The following ACSM5 variants were observed in gnomAD, a reference collection of about 807,000 sequenced individuals.
The protein encoded by ACSM5 is acyl-CoA synthetase medium chain family member 5, also known as acyl-coenzyme A synthetase ACSM5, mitochondrial.
A neutral mutation model predicts 71.6 loss-of-function variants in ACSM5; 56 were observed. The ratio of observed to expected loss-of-function variants is 0.78; its 90% CI spans 0.63 to 0.98. The LOEUF (loss-of-function observed/expected upper bound fraction) is 0.98, where lower values mean the gene tolerates loss of function less well. Among genes scored for constraint, ACSM5 ranks in the 50% least tolerant of loss-of-function variants. The pLI, the probability that ACSM5 is intolerant of heterozygous loss-of-function variation, is 0.00. For missense variants in ACSM5, 723 were observed against 726.0 expected, an observed-to-expected ratio of 1.00 and a Z score of 0.05; for synonymous variants, 285 against 281.5, an observed-to-expected ratio of 1.01 and a Z score of -0.12.
chr16:20,425,924 C>A (rs749240670), intron 6 of ACSM5, among the ~76,000 whole-genome samples: 3 of 152,114 alleles, frequency 2.0e-5, no homozygotes, highest in Non-Finnish European at 2.9e-5. Context: ...CATATGACTT[C>A]TTTTCTTCTG....
chr16:20,430,917 G>A (rs1967082725), intron 8 of ACSM5, 76 bp from the exon 9 acceptor site: 1 of 1,033,982 alleles, frequency 9.7e-7, no homozygotes. Context: ...TTATCAGGCA[G>A]GGTGAGAGAA....
At chr16:20,419,532 G>T (rs113769422) in intron 4 of ACSM5, 97 bp downstream of exon 4, 1 of 1,225,642 alleles carries the variant, frequency 8.2e-7, no homozygotes, top group Non-Finnish European at 1.2e-6. Flanking sequence ...CATAGAGAGC[G>T]AATCAGAGAG....
In ACSM5 at chr16:20,437,108, C is replaced by T. The variant is rs148610822; in HGVS notation, c.1365C>T (p.Asp455=). 1 of 1,611,726 alleles carries T rather than the reference C, an allele frequency of 6.2e-7. No homozygotes were observed. The highest frequency in any genetic ancestry group is 2.2e-5 in the East Asian group (1 of 44,812). ...AAGGGGACTTTTACATCACAGGGGA[C>T]CGAGCTCGCATGGACAAGGATGGCT... The part of the protein sequence containing the change: ...SEQGDFYITG[D]RARMDKDGYF... Residue 455 remains aspartate (D), a synonymous_variant, in exon 11 of 14, where the codon GAC becomes GAT. Transcript: ENST00000331849.
chr16:20,440,585 G>A lies in ACSM5; in HGVS notation c.*158G>A. 1.5e-6 allele frequency: 1 copy of A among 650,684 alleles called. No homozygotes were observed. Among genetic ancestry groups the A allele is most frequent in the Non-Finnish European group, 2.7e-6 (1 of 365,720 alleles). 40.3% of individuals were successfully genotyped at this position (650,684 alleles called of 1,614,324 possible). A position where few individuals can be genotyped will look rare whatever the true frequency, so the allele number is the denominator to read the frequency against. ...TCCCCAGGATCACTGGGCAATGCTGGAAAGAGCAAAAGAATATCATTGGCC... is the reference window on the plus strand; with the variant it reads ...TCCCCAGGATCACTGGGCAATGCTGAAAAGAGCAAAAGAATATCATTGGCC... On this transcript the variant is annotated 3_prime_UTR_variant, in exon 14 of 14. Coordinates refer to ENST00000331849, the MANE Select transcript of ACSM5 (RefSeq NM_017888.3).
intron 5 of ACSM5, among the ~76,000 whole-genome samples, chr16:20,422,352 C>T (rs1445781727): frequency 6.6e-6 from 1 of 152,130 alleles, no homozygotes; most frequent in Non-Finnish European, 1.5e-5. Flanking sequence ...CCTCATGATC[C>T]TCACGCCTTG....
At chr16:20,431,773 A>G (rs1328515626) in intron 10 of ACSM5, among the ~76,000 whole-genome samples, 1 of 152,004 alleles carries the variant, frequency 6.6e-6, no homozygotes, top group Non-Finnish European at 1.5e-5. Flanking sequence ...CAGCATAGTG[A>G]AACCCCGTTT....
intron 8 of ACSM5, 24 bp downstream of exon 8, chr16:20,429,825 C>T (rs376396755): frequency 1.9e-6 from 3 of 1,609,974 alleles, no homozygotes; most frequent in Non-Finnish European, 2.5e-6. Context: ...GGGCCAGGTC[C>T]CTACCCCCCA....
At chr16:20,421,668 T>C (rs9931924) in intron 5 of ACSM5, among the ~76,000 whole-genome samples, 5,430 of 127,708 alleles carry the variant, frequency 0.043, 229 homozygotes, top group African/African-American at 0.11. Context: ...CACACACACA[T>C]ATATATACAT....
intron 6 of ACSM5, among the ~76,000 whole-genome samples, chr16:20,426,720 C>T (rs1004223026): frequency 6.6e-6 from 1 of 152,098 alleles, no homozygotes; most frequent in Non-Finnish European, 1.5e-5. Flanking sequence ...TTCATAGAGA[C>T]AGAAAGTACA....
At chr16:20,438,724 G>A (rs1967253110) in intron 12 of ACSM5, among the ~76,000 whole-genome samples, 1 of 151,312 alleles carries the variant, frequency 6.6e-6, no homozygotes, top group Non-Finnish European at 1.5e-5. Flanking sequence ...GGGAGGCCGA[G>A]GCGGGTGGAT....
At chr16:20,419,462 G>T in intron 4 of ACSM5, 27 bp downstream of exon 4, 1 of 1,605,030 alleles carries the variant, frequency 6.2e-7, no homozygotes, top group Non-Finnish European at 8.5e-7. Flanking sequence ...CAGAACAGCA[G>T]AAAAATGAAG....
intron 12 of ACSM5, among the ~76,000 whole-genome samples, chr16:20,437,647 T>C (rs1338345820): frequency 7.0e-6 from 1 of 142,780 alleles, no homozygotes; most frequent in Non-Finnish European, 1.5e-5. Flanking sequence ...AGGTGCAGGC[T>C]CTGTTATCCA....
intron 4 of ACSM5, among the ~76,000 whole-genome samples, chr16:20,420,458 G>T (rs532451981): frequency 5.0e-4 from 76 of 152,286 alleles, no homozygotes; most frequent in Admixed American, 4.4e-3. Flanking sequence ...AAATTAGCTG[G>T]GCGTGGTGGC....
intron 2 of ACSM5, among the ~76,000 whole-genome samples, chr16:20,417,023 CA>C (rs35498393): frequency 0.012 from 1,559 of 130,024 alleles, 28 homozygotes; most frequent in East Asian, 0.078. Context: ...AGTGGCATGG[CA>C]AAAAAAAAAA....
chr16:20,427,872 A>T lies in ACSM5; in HGVS notation c.1001+5A>T. ...TGTGCAGGAGGATCTGACCAGGTAC[A>T]GCCCGTCTATTTCGTGCTTTGAGGG... On this transcript the variant is annotated splice_donor_5th_base_variant and intron_variant, in intron 7 of 13. Transcript: ENST00000331849. 6.2e-7 allele frequency: 1 copy of T among 1,610,824 alleles called. No individual in the cohort carries two copies. The highest frequency in any genetic ancestry group is 8.5e-7 in the Non-Finnish European group (1 of 1,177,230).
At chr16:20,435,345 C>T (rs1967170776) in intron 10 of ACSM5, among the ~76,000 whole-genome samples, 1 of 152,128 alleles carries the variant, frequency 6.6e-6, no homozygotes, top group South Asian at 2.1e-4. Flanking sequence ...TTAAGTCTTT[C>T]TTTCACTTTA....
At chr16:20,436,972 C>T in intron 10 of ACSM5, 80 bp from the exon 11 acceptor site, 1 of 1,514,890 alleles carries the variant, frequency 6.6e-7, no homozygotes, top group South Asian at 1.2e-5. Flanking sequence ...CTCCAGCTTC[C>T]TACAGGGGGC....
At chr16:20,428,460 A>G (rs1482340805) in intron 7 of ACSM5, among the ~76,000 whole-genome samples, 1 of 152,224 alleles carries the variant, frequency 6.6e-6, no homozygotes, top group Non-Finnish European at 1.5e-5. Context: ...CCAAAGCAAC[A>G]TCTTCTAGCA....
chr16:20,426,191 A>G (rs1411826109), intron 6 of ACSM5, among the ~76,000 whole-genome samples: 2 of 152,210 alleles, frequency 1.3e-5, no homozygotes, highest in African/African-American at 4.8e-5. Context: ...ATTGATTGTT[A>G]TCATCATGAT....
Sources: gnomAD v4.1 joint callset for allele counts (sites outside exome capture counted in the v4.1 genomes callset) on GRCh38, gnomAD v4.1.1 for gene constraint, MANE v1.5 for transcripts, NCBI Gene and HGNC (gene_info 2026-07-23, HGNC 2026-07-21) for gene names.